KRABD3: variants seen among roughly 807,000 people sequenced by gnomAD.
KRABD3 encodes the protein KRAB domain containing 3.
the KRABD3 span, chr7:149,723,670 T>A: frequency 6.1e-5 from 94 of 1,532,400 alleles, no homozygotes; most frequent in Admixed American, 1.1e-4. Context: ...GTCCCCTGTT[T>A]GTTGTTTGTC....
the KRABD3 span, chr7:149,726,105 C>G: frequency 2.6e-6 from 4 of 1,539,898 alleles, no homozygotes; most frequent in South Asian, 4.8e-5. Context: ...TGGGAGAGGA[C>G]TCAAGGCCCC....
the KRABD3 span, chr7:149,729,837 G>A: frequency 1.0e-6 from 1 of 985,438 alleles, no homozygotes. Flanking sequence ...GCACCTGCCT[G>A]GTGGGAGAAG....
chr7:149,714,980 C>T, the KRABD3 span: 1 of 1,183,452 alleles, frequency 8.4e-7, no homozygotes, highest in Non-Finnish European at 1.1e-6. Flanking sequence ...TGGGCCGCCG[C>T]CGACGAGGGT....
chr7:149,719,755 T>G, the KRABD3 span: 21 of 1,471,902 alleles, frequency 1.4e-5, no homozygotes, highest in Non-Finnish European at 1.7e-5. This position sits in a 1 kb window ranked among gnomAD's most constrained non-coding sequence, Gnocchi z 5.6. Flanking sequence ...CCCGGCAGCC[T>G]TAGTCTTTCC....
At chr7:149,719,696 G>T in the KRABD3 span, 16 of 1,590,542 alleles carry the variant, frequency 1.0e-5, no homozygotes, top group Non-Finnish European at 1.3e-5. The surrounding 1 kb of genome is among the most constrained non-coding windows in gnomAD (Gnocchi z 5.6). Context: ...GGAGCAGCAC[G>T]TGTGGCAGGA....
chr7:149,718,513 C>CTTTTTTTTTTTTTTT, the KRABD3 span, among the ~76,000 whole-genome samples: 1 of 81,970 alleles, frequency 1.2e-5, no homozygotes, highest in Non-Finnish European at 2.2e-5. Context: ...CACTGAAGGA[C>CTTTTTTTTTTTTTTT]TTTTTTTTTT....
the KRABD3 span, chr7:149,719,883 G>A: frequency 3.6e-5 from 46 of 1,277,234 alleles, no homozygotes; most frequent in Non-Finnish European, 4.5e-5. The surrounding 1 kb of genome is among the most constrained non-coding windows in gnomAD (Gnocchi z 5.6). Flanking sequence ...ACCACTCTGC[G>A]GTTCTTTGAG....
At chr7:149,725,162 C>T in the KRABD3 span, among the ~76,000 whole-genome samples, 8 of 152,208 alleles carry the variant, frequency 5.3e-5, no homozygotes, top group Non-Finnish European at 7.3e-5. Flanking sequence ...CGATCAGTCT[C>T]CCACAGAAGG....
chr7:149,719,561 A>G, the KRABD3 span: 2 of 1,592,548 alleles, frequency 1.3e-6, no homozygotes, highest in Non-Finnish European at 1.7e-6. The surrounding 1 kb of genome is among the most constrained non-coding windows in gnomAD (Gnocchi z 5.6). Flanking sequence ...CATCACCTTC[A>G]AGGACTTGGC....
the KRABD3 span, chr7:149,715,338 G>T: frequency 4.1e-6 from 5 of 1,205,404 alleles, no homozygotes; most frequent in Non-Finnish European, 5.1e-6. Flanking sequence ...GGGCATGAAG[G>T]CCTCGGAGGC....
At chr7:149,724,023 G>A in the KRABD3 span, 10 of 916,114 alleles carry the variant, frequency 1.1e-5, no homozygotes, top group Non-Finnish European at 1.6e-5. Flanking sequence ...ATCCGGATGC[G>A]GGGGATCCCC....
the KRABD3 span, among the ~76,000 whole-genome samples, chr7:149,720,632 G>A: frequency 2.6e-5 from 4 of 152,220 alleles, no homozygotes; most frequent in South Asian, 2.1e-4. Flanking sequence ...CCCAGGCCCC[G>A]CCCCCATGCC....
the KRABD3 span, chr7:149,728,519 ACAGGAAGCCCAC>A: frequency 1.9e-6 from 3 of 1,612,922 alleles, no homozygotes; most frequent in African/African-American, 1.3e-5. Context: ...TTTGATCTTC[ACAGGAAGCCCAC>A]CAGGAAGCTC....
the KRABD3 span, chr7:149,722,846 C>G: frequency 6.2e-7 from 1 of 1,613,478 alleles, no homozygotes. Flanking sequence ...ATCCTTGTGC[C>G]TGGGCCCCGG....
chr7:149,717,350 TG>T, the KRABD3 span, among the ~76,000 whole-genome samples: 1 of 152,226 alleles, frequency 6.6e-6, no homozygotes, highest in Non-Finnish European at 1.5e-5. Context: ...CCTAAATACC[TG>T]GAAGCCAGCC....
the KRABD3 span, among the ~76,000 whole-genome samples, chr7:149,732,151 A>G: frequency 2.0e-5 from 3 of 152,082 alleles, no homozygotes; most frequent in Non-Finnish European, 4.4e-5. The surrounding 1 kb of genome is among the most constrained non-coding windows in gnomAD (Gnocchi z 4.0). Context: ...CCTGGCACCT[A>G]GTGCCCTGGG....
chr7:149,726,100 G>A, the KRABD3 span: 32 of 1,561,746 alleles, frequency 2.0e-5, no homozygotes, highest in African/African-American at 3.9e-4. Context: ...CATCCTGGGA[G>A]AGGACTCAAG....
chr7:149,731,846 C>T, the KRABD3 span: 1 of 1,137,324 alleles, frequency 8.8e-7, no homozygotes, highest in East Asian at 2.6e-5. Flanking sequence ...GGGAAAACAG[C>T]CTTCCAGGGT....
At chr7:149,730,323 T>C in the KRABD3 span, 3 of 1,543,096 alleles carry the variant, frequency 1.9e-6, no homozygotes, top group African/African-American at 4.1e-5. Flanking sequence ...GCCTGATCTC[T>C]GGAAGCCGCT....
Sources: gnomAD v4.1 joint callset for allele counts (sites outside exome capture counted in the v4.1 genomes callset) on GRCh38, gnomAD v4.1.1 for gene constraint, Gnocchi (gnomAD v3.1) non-coding constraint, MANE v1.5 for transcripts, NCBI Gene and HGNC (gene_info 2026-07-23, HGNC 2026-07-21) for gene names.